The following HSPA4L variants were observed in gnomAD, a reference collection of about 807,000 sequenced individuals.
HSPA4L encodes heat shock protein family A (Hsp70) member 4 like.
In HSPA4L, 48 loss-of-function variants were observed where a neutral mutation model predicts 100.3. The ratio of observed to expected loss-of-function variants is 0.48; its 90% CI spans 0.38 to 0.61. The LOEUF (loss-of-function observed/expected upper bound fraction) is 0.61. Among genes scored for constraint, HSPA4L ranks in the 20% least tolerant of loss-of-function variants. The probability of loss-of-function intolerance (pLI) is 0.00; values close to 1 mark genes in which losing one functional copy is unlikely to be tolerated. For missense variants in HSPA4L, 886 were observed against 988.6 expected, an observed-to-expected ratio of 0.90 and a Z score of 1.39; for synonymous variants, 319 against 328.2, an observed-to-expected ratio of 0.97 and a Z score of 0.30.
At chr4:127,817,680 T>A (rs1185097504) in intron 12 of HSPA4L, among the ~76,000 whole-genome samples, 1 of 152,204 alleles carries the variant, frequency 6.6e-6, no homozygotes, top group African/African-American at 2.4e-5. Flanking sequence ...TTGATTAATT[T>A]TGATTAATTT....
chr4:127,784,157 C>G (rs982461124), intron 1 of HSPA4L, among the ~76,000 whole-genome samples: 1 of 152,256 alleles, frequency 6.6e-6, no homozygotes, highest in South Asian at 2.1e-4. Flanking sequence ...CACTCTCCAC[C>G]TTCAGCAGAG....
Position 127,803,609 on chromosome 4 carries a change from C to A in HSPA4L, c.664-20C>A. 2 of 1,517,560 alleles carry A rather than the reference C, an allele frequency of 1.3e-6. No homozygotes were observed. Among genetic ancestry groups the A allele is most frequent in the South Asian group, 2.8e-5 (2 of 72,540 alleles). 94.0% of individuals were successfully genotyped at this position (1,517,560 alleles called of 1,614,324 possible). A position where few individuals can be genotyped will look rare whatever the true frequency, so the allele number is the denominator to read the frequency against. ...AATCTATATTTCTGAAAATACAGTT[C>A]TGCTTTTTCAATTAAACAGGTCTTG... On this transcript the variant is annotated intron_variant, in intron 6 of 18. Transcript: ENST00000296464.
chr4:127,782,668 C>T lies in HSPA4L; in HGVS notation c.107+11C>T. 4.4e-6 allele frequency: 7 copies of T among 1,581,920 alleles called. No homozygotes were observed. Among genetic ancestry groups the T allele is most frequent in the Non-Finnish European group, 6.1e-6 (7 of 1,155,340 alleles). On this transcript the variant is annotated intron_variant, in intron 1 of 18. Coordinates refer to ENST00000296464, the MANE Select transcript of HSPA4L (RefSeq NM_014278.4). ...CGACAGGTGTACCCCGTAAGTGCCT[C>T]TGCTGAGCATCACCTCGACCCTAAG...
At chr4:127,799,695 T>C (rs1160690540) in intron 4 of HSPA4L, among the ~76,000 whole-genome samples, 3 of 152,238 alleles carry the variant, frequency 2.0e-5, no homozygotes, top group Non-Finnish European at 4.4e-5. Context: ...CAGAAATTCA[T>C]GTCAGAACAG....
chr4:127,820,651 G>A (rs1045588029), intron 14 of HSPA4L, 86 bp downstream of exon 14: 2 of 1,291,402 alleles, frequency 1.5e-6, no homozygotes, highest in Non-Finnish European at 1.1e-6. Flanking sequence ...AAAATTTAGG[G>A]CACTAGTTTA....
intron 1 of HSPA4L, among the ~76,000 whole-genome samples, chr4:127,789,335 T>C (rs781357881): frequency 1.3e-5 from 2 of 152,172 alleles, no homozygotes; most frequent in Non-Finnish European, 2.9e-5. Flanking sequence ...TTGGATATTA[T>C]AGATTTAAAC....
intron 2 of HSPA4L, among the ~76,000 whole-genome samples, chr4:127,794,551 A>G (rs1056120946): frequency 6.6e-6 from 1 of 152,104 alleles, no homozygotes; most frequent in Non-Finnish European, 1.5e-5. Context: ...ACTAATTTAC[A>G]TAGAATTTGT....
At chr4:127,786,371 T>C (rs1377698633) in intron 1 of HSPA4L, among the ~76,000 whole-genome samples, 2 of 152,232 alleles carry the variant, frequency 1.3e-5, no homozygotes, top group African/African-American at 2.4e-5. Context: ...GAGCAGTTAT[T>C]GTACAGGAAA....
At chr4:127,783,599 A>G in intron 1 of HSPA4L, 1 of 1,533,156 alleles carries the variant, frequency 6.5e-7, no homozygotes, top group Non-Finnish European at 8.7e-7. Flanking sequence ...ATGAAAAACT[A>G]GTTGCTGCTT....
intron 12 of HSPA4L, among the ~76,000 whole-genome samples, chr4:127,817,336 A>T (rs1733693819): frequency 6.6e-6 from 1 of 150,822 alleles, no homozygotes; most frequent in Non-Finnish European, 1.5e-5. Context: ...AGAATAATTG[A>T]TCTTTTAACT....
chr4:127,792,063 A>G (rs1732892236), intron 1 of HSPA4L, among the ~76,000 whole-genome samples: 1 of 152,216 alleles, frequency 6.6e-6, no homozygotes, highest in South Asian at 2.1e-4. Flanking sequence ...CCAGCAGAAC[A>G]GTGTTTTGTT....
In HSPA4L at chr4:127,795,775, C is replaced by T. The variant is rs200226261; in HGVS notation, c.173C>T (p.Thr58Met). Residue 58 changes from threonine (T) to methionine (M), a missense_variant, in exon 3 of 19, where the codon ACG becomes ATG. Thr to Met is a moderately conservative substitution (Grantham distance 81, BLOSUM62 -1). Transcript: ENST00000296464. ...AGTGTTTACTGCCAACAGATAGTCA[C>T]GAACGTAAGAAATACAATTCATGGC... Reference protein sequence around the residue: ...IGNAAKSQIVTNVRNTIHGFK... With the variant: ...IGNAAKSQIVMNVRNTIHGFK... 1.9e-4 allele frequency: 310 copies of T among 1,613,058 alleles called. No homozygotes were observed. Among genetic ancestry groups the T allele is most frequent in the Non-Finnish European group, 2.4e-4 (281 of 1,179,398 alleles).
At position 127,837,836 on chromosome 4, in the gene HSPA4L, C is replaced by T. The variant is rs2148805230; in HGVS notation, c.*4962C>T. 6.6e-6 allele frequency: 1 copy of T among 151,904 alleles called. No individual in the cohort carries two copies. 9.4% of individuals were successfully genotyped at this position (151,904 alleles called of 1,614,324 possible). On this transcript the variant is annotated 3_prime_UTR_variant, in exon 19 of 19. Coordinates refer to ENST00000296464, the MANE Select transcript of HSPA4L (RefSeq NM_014278.4). ...TGTTTTTTTTTTGGAAACAGTCTCACTCTGTCACCCAGGCTGGAGGGCACA... is the reference window on the plus strand; with the variant it reads ...TGTTTTTTTTTTGGAAACAGTCTCATTCTGTCACCCAGGCTGGAGGGCACA...
At position 127,816,855 on chromosome 4, in the gene HSPA4L, GATATAA is replaced by G. The variant is rs1397908600; in HGVS notation, c.1579-1464_1579-1459del. Among the ~76,000 whole-genome samples the G allele has an allele frequency of 2.6e-5, 4 of 152,232 alleles. No homozygotes were observed. The South Asian group carries it at 6.2e-4, about 24-fold the overall frequency. ...GTTTATTTTCCTTTTCTCTGTGAAAGATATAAATATATAAACAATAGAAGAGCTCTT... is the reference window on the plus strand; with the variant it reads ...GTTTATTTTCCTTTTCTCTGTGAAAGATATATAAACAATAGAAGAGCTCTT... On this transcript the variant is annotated intron_variant, in intron 12 of 18. Transcript: ENST00000296464.
intron 13 of HSPA4L, among the ~76,000 whole-genome samples, chr4:127,819,368 T>C (rs997886338): frequency 1.3e-5 from 2 of 152,148 alleles, no homozygotes; most frequent in Admixed American, 1.3e-4. Context: ...TCTATGCAGG[T>C]TAGCCAAATA....
At chr4:127,798,804 C>T in intron 4 of HSPA4L, 95 bp downstream of exon 4, 2 of 1,193,598 alleles carry the variant, frequency 1.7e-6, no homozygotes, top group East Asian at 2.5e-5. Flanking sequence ...ACTTTCTGCC[C>T]TTATCCAGTA....
intron 17 of HSPA4L, 84 bp from the exon 18 acceptor site, chr4:127,830,554 A>G (rs1214696897): frequency 1.8e-6 from 2 of 1,112,500 alleles, no homozygotes; most frequent in Non-Finnish European, 2.5e-6. Context: ...ATAAGAGTCT[A>G]AATTTTTAAA....
At chr4:127,810,353 T>C (rs549177184) in intron 11 of HSPA4L, among the ~76,000 whole-genome samples, 1 of 152,338 alleles carries the variant, frequency 6.6e-6, no homozygotes, top group South Asian at 2.1e-4. Context: ...TTGAACATTA[T>C]ATTAGTTTGC....
At chr4:127,821,913 G>A (rs1050397786) in intron 14 of HSPA4L, among the ~76,000 whole-genome samples, 32 of 152,134 alleles carry the variant, frequency 2.1e-4, no homozygotes, top group African/African-American at 6.5e-4. Flanking sequence ...ATCTGAGTAT[G>A]TAGAATGACA....
Sources: gnomAD v4.1 joint callset for allele counts (sites outside exome capture counted in the v4.1 genomes callset) on GRCh38, gnomAD v4.1.1 for gene constraint, MANE v1.5 for transcripts, NCBI Gene and HGNC (gene_info 2026-07-23, HGNC 2026-07-21) for gene names.